The following FBXW12 variants were observed in gnomAD, a reference collection of about 807,000 sequenced individuals.
FBXW12 encodes the protein F-box/WD repeat-containing protein 12.
Under a neutral mutation model 55.3 loss-of-function variants are expected in FBXW12, and 43 were observed. The ratio of observed to expected loss-of-function variants is 0.78; its 90% CI spans 0.61 to 1.00. The LOEUF is 1.00. Ranked by LOEUF, FBXW12 falls within the 50% of genes least tolerant of loss-of-function variation. The pLI is 0.00. For missense variants in FBXW12, 524 were observed against 560.5 expected (o/e 0.93, Z 0.66); for synonymous variants, 184 against 203.8 (o/e 0.90, Z 0.83).
In FBXW12 at chr3:48,394,722, G is replaced by A; in HGVS notation, c.*63G>A. The A allele has an allele frequency of 2.2e-6, 2 of 904,032 alleles. No homozygotes were observed. Among genetic ancestry groups the A allele is most frequent in the Non-Finnish European group, 3.5e-6 (2 of 564,152 alleles). The allele number at this position is 904,032 out of a possible 1,614,324, so 56.0% of individuals were successfully genotyped here. On this transcript the variant is annotated 3_prime_UTR_variant, in exon 11 of 11. Coordinates refer to ENST00000296438, the MANE Select transcript of FBXW12 (RefSeq NM_207102.2). ...GCAATGTAGTAAAGAAATTCTATTT[G>A]CAAGCCCAGAATGATTATTTTAGTG...
intron 5 of FBXW12, 44 bp downstream of exon 5, chr3:48,375,516 C>A: frequency 8.8e-7 from 1 of 1,137,230 alleles, no homozygotes. Context: ...ATATTTGCAT[C>A]CATCCTGTTC....
At chr3:48,392,150 G>A (rs977206805) in intron 10 of FBXW12, among the ~76,000 whole-genome samples, 7 of 152,092 alleles carry the variant, frequency 4.6e-5, no homozygotes, top group African/African-American at 1.7e-4. Context: ...GTTTGTCTCT[G>A]GGGATACAAA....
At chr3:48,394,185 T>C (rs2036972477) in intron 10 of FBXW12, among the ~76,000 whole-genome samples, 3 of 151,794 alleles carry the variant, frequency 2.0e-5, no homozygotes, top group South Asian at 4.2e-4. Context: ...GAGATGGAGG[T>C]TGCAGTGAAC....
Position 48,379,497 on chromosome 3 carries a change from A to G in FBXW12, c.713A>G (p.His238Arg), listed in dbSNP as rs77256337. 9.6e-4 allele frequency: 1,547 copies of G among 1,614,104 alleles called. 13 individuals carry two copies. The African/African-American group carries it at 0.018, about 18-fold the overall frequency. The change falls in exon 7 of 11, where the codon CAC becomes CGC. Residue 238 changes from histidine to arginine, a missense_variant. By Grantham distance (29) the His-to-Arg change is conservative. Transcript: ENST00000296438. The part of the protein sequence containing the change: ...TAFQYGIVLL[H>R]CSPDKKWVFA... ...TTTCAATATGGTATTGTACTTCTAC[A>G]CTGCTCTCCTGACAAGAAATGGGTA...
chr3:48,394,636 G>A lies in FBXW12; in HGVS notation c.1372G>A (p.Val458Met). 3 of 1,597,598 alleles carry A rather than the reference G, an allele frequency of 1.9e-6. No individual in the cohort carries two copies. The highest frequency in any genetic ancestry group is 1.3e-5 in the African/African-American group (1 of 74,636). The stretch of plus-strand genomic sequence containing the variant: ...GAAAGTAAGTGACTCCAGCATTCTG[G>A]TGATGTATTCTTTGAATACGTAATA... ...VRKVSDSSILVMYSLNT is the reference protein window; with the variant it reads ...VRKVSDSSILMMYSLNT The change falls in exon 11 of 11, where the codon GTG becomes ATG. Residue 458 changes from valine (V) to methionine (M), a missense_variant. Transcript: ENST00000296438.
chr3:48,390,406 C>CTTTTTTTTTTTT (rs71625870), intron 10 of FBXW12, among the ~76,000 whole-genome samples: 1 of 57,928 alleles, frequency 1.7e-5, no homozygotes, highest in Admixed American at 2.3e-4. Flanking sequence ...AGGATTTCCT[C>CTTTTTTTTTTTT]TTTTTTTTTT....
chr3:48,373,215 G>A (rs139815048), intron 2 of FBXW12, 93 bp from the exon 3 acceptor site: 58 of 1,591,260 alleles, frequency 3.6e-5, no homozygotes, highest in Middle Eastern at 1.7e-4. Flanking sequence ...TAACCTGTGC[G>A]GGCCCAGCTC....
At chr3:48,373,437 G>C in intron 3 of FBXW12, 92 bp downstream of exon 3, 1 of 1,610,524 alleles carries the variant, frequency 6.2e-7, no homozygotes, top group South Asian at 1.1e-5. Flanking sequence ...TGGCTGTGTT[G>C]TGAGATATAC....
At chr3:48,385,738 G>T (rs1404207630) in intron 10 of FBXW12, among the ~76,000 whole-genome samples, 1 of 152,052 alleles carries the variant, frequency 6.6e-6, no homozygotes, top group Non-Finnish European at 1.5e-5. Flanking sequence ...TAATGAGGTG[G>T]TATCTCATTG....
intron 10 of FBXW12, among the ~76,000 whole-genome samples, chr3:48,393,698 C>T (rs1241451721): frequency 6.6e-6 from 1 of 152,122 alleles, no homozygotes; most frequent in Non-Finnish European, 1.5e-5. Flanking sequence ...CTAAGGCAGG[C>T]AGATCGCTTG....
intron 10 of FBXW12, among the ~76,000 whole-genome samples, chr3:48,387,350 TGTTTTG>T (rs959359941): frequency 2.0e-5 from 3 of 152,114 alleles, no homozygotes; most frequent in Non-Finnish European, 2.9e-5. Flanking sequence ...TGTGTTTTTT[TGTTTTG>T]GTTTTGGTTT....
At chr3:48,374,898 T>C (rs961916621) in intron 4 of FBXW12, among the ~76,000 whole-genome samples, 3 of 151,304 alleles carry the variant, frequency 2.0e-5, no homozygotes, top group African/African-American at 7.3e-5. Flanking sequence ...GCCTCCCAAG[T>C]AGTTGGGATT....
At chr3:48,380,670 G>A in intron 7 of FBXW12, 32 bp from the exon 8 acceptor site, 1 of 1,540,186 alleles carries the variant, frequency 6.5e-7, no homozygotes, top group Non-Finnish European at 9.0e-7. Context: ...TAAGTTCCCT[G>A]CCCCTGACCA....
chr3:48,386,367 C>T (rs1241528070), intron 10 of FBXW12, among the ~76,000 whole-genome samples: 2 of 152,112 alleles, frequency 1.3e-5, no homozygotes, highest in South Asian at 2.1e-4. Flanking sequence ...GATTTTATGC[C>T]AATATCATGC....
At chr3:48,372,934 A>G in intron 2 of FBXW12, 77 bp downstream of exon 2, 1 of 1,344,752 alleles carries the variant, frequency 7.4e-7, no homozygotes, top group East Asian at 2.3e-5. Flanking sequence ...TTTGCAGAAT[A>G]GCAGAGGGTT....
chr3:48,379,267 G>T, intron 6 of FBXW12, 133 bp from the exon 7 acceptor site: 4 of 818,470 alleles, frequency 4.9e-6, no homozygotes, highest in Non-Finnish European at 8.2e-6. Flanking sequence ...AAGCTAGACT[G>T]GTCAGAGGTT....
chr3:48,372,617 G>A lies in FBXW12; in HGVS notation c.-84-67G>A, dbSNP rs553065234. 14 of 1,544,230 alleles carry A rather than the reference G, an allele frequency of 9.1e-6. No homozygotes were observed. The South Asian group carries it at 1.0e-4, about 11-fold the overall frequency. On this transcript the variant is annotated intron_variant, in intron 1 of 10. Transcript: ENST00000296438. ...GAGAGGCCGGGGTGGAGGTCAGCCCGGGAGTCTGCACACCTGCAGCTTGTT... is the reference window on the plus strand; with the variant it reads ...GAGAGGCCGGGGTGGAGGTCAGCCCAGGAGTCTGCACACCTGCAGCTTGTT...
At position 48,372,257 on chromosome 3, in the gene FBXW12, A is replaced by G. The variant is rs1300911129; in HGVS notation, c.-148A>G. ...ACTGCAAAGTTAAATGCGAGAAGGT[A>G]GAAACCCAGAGGCCATGCTGGCGCT... On this transcript the variant is annotated 5_prime_UTR_variant, in exon 1 of 11. Coordinates refer to ENST00000296438, the MANE Select transcript of FBXW12 (RefSeq NM_207102.2). The G allele has an allele frequency of 1.9e-6, 3 of 1,551,880 alleles. No individual in the cohort carries two copies. Among genetic ancestry groups the G allele is most frequent in the South Asian group, 2.4e-5 (2 of 84,058 alleles).
chr3:48,389,281 G>A (rs1374549059), intron 10 of FBXW12, among the ~76,000 whole-genome samples: 1 of 152,086 alleles, frequency 6.6e-6, no homozygotes, highest in Non-Finnish European at 1.5e-5. Flanking sequence ...CTGAATATTA[G>A]GCCTTTGTCA....
Sources: allele counts gnomAD v4.1 joint callset (sites outside exome capture counted in the v4.1 genomes callset), GRCh38; gene constraint gnomAD v4.1.1; transcripts MANE v1.5; gene names NCBI Gene and HGNC (gene_info 2026-07-23, HGNC 2026-07-21).